The following LAS1L variants were observed in gnomAD, a reference collection of about 807,000 sequenced individuals.
LAS1L encodes ribosomal biogenesis protein LAS1L.
In LAS1L, 5 loss-of-function variants were observed where a neutral mutation model predicts 57.3. The observed-to-expected ratio is 0.09, with a 90% confidence interval of 0.05 to 0.18. LAS1L has a LOEUF of 0.18. Among genes scored for constraint, LAS1L ranks in the 10% least tolerant of loss-of-function variants. LAS1L has a pLI of 1.00. For missense variants in LAS1L, 360 were observed against 568.3 expected (o/e 0.63, Z 3.73); for synonymous variants, 245 against 231.7 (o/e 1.06, Z -0.52).
rs762919680 is a variant in LAS1L at position 65,515,035 on chromosome X, G to C, written c.1928-62C>G. 2.1e-5 allele frequency: 23 copies of C among 1,099,663 alleles called. No homozygotes were observed. The African/African-American group carries it at 3.7e-4, about 18-fold the overall frequency. The allele number at this position is 1,099,663 out of a possible 1,213,427, so 90.6% of individuals were successfully genotyped here. ...GAGCTGGTTCTCCGACTGGTGCACA[G>C]GCCTGCTCACCCTGTCCATCCACCC... On this transcript the variant is annotated intron_variant, in intron 12 of 13. Transcript: ENST00000374811.
In LAS1L at chrX:65,528,462, C is replaced by T. The variant is rs2069286757; in HGVS notation, c.847-93G>A. 1.7e-5 allele frequency: 9 copies of T among 528,343 alleles called. No homozygotes were observed. In the Admixed American group the frequency reaches 2.5e-4, roughly 15 times the overall value. 43.5% of individuals were successfully genotyped at this position (528,343 alleles called of 1,213,427 possible). On this transcript the variant is annotated intron_variant, in intron 6 of 13. Coordinates refer to ENST00000374811, the MANE Select transcript of LAS1L (RefSeq NM_031206.7). Reference sequence around the variant, plus strand: ...TCCCTTCCCATAGGACCTCTCAGCACTGCCCTGCAGGGGACAGGGCAGGGC... The same window carrying T: ...TCCCTTCCCATAGGACCTCTCAGCATTGCCCTGCAGGGGACAGGGCAGGGC...
intron 5 of LAS1L, 21 bp downstream of exon 5, chrX:65,529,573 T>C (rs1453830650): frequency 8.3e-7 from 1 of 1,203,069 alleles, no homozygotes; most frequent in Non-Finnish European, 1.1e-6. Context: ...TGGGCCGCTT[T>C]CTGCCCTCCA....
At position 65,512,814 on chromosome X, in the gene LAS1L, C is replaced by T. The variant is rs1377146467; in HGVS notation, c.2166G>A (p.Gly722=). The T allele has an allele frequency of 2.3e-5, 27 of 1,166,179 alleles. No individual in the cohort carries two copies. In the Middle Eastern group the frequency reaches 9.3e-4, roughly 40 times the overall value. ...SNFEGLLWSQ[G]QLHGLKTGLQ... Reference sequence around the variant, plus strand: ...GGCCAGTTTTGAGCCCATGCAGCTGCCCCTGGCTCCAGAGAAGGCCCTCGA... The same window carrying T: ...GGCCAGTTTTGAGCCCATGCAGCTGTCCCTGGCTCCAGAGAAGGCCCTCGA... Residue 722 remains glycine, a synonymous_variant, in exon 14 of 14, where the codon GGG becomes GGA. Coordinates refer to ENST00000374811, the MANE Select transcript of LAS1L (RefSeq NM_031206.7).
chrX:65,518,653 T>C (rs2068735848), intron 11 of LAS1L, 188 bp from the exon 12 acceptor site: 1 of 485,662 alleles, frequency 2.1e-6, no homozygotes, highest in Non-Finnish European at 2.5e-6. Flanking sequence ...TTCATCTCTG[T>C]GCCTCACTTC....
intron 2 of LAS1L, among the ~76,000 whole-genome samples, chrX:65,533,079 G>T (rs925983927): frequency 1.8e-5 from 2 of 110,950 alleles, no homozygotes; most frequent in Non-Finnish European, 3.8e-5. Context: ...CTTTTTTTCC[G>T]ACGTGTATAC....
chrX:65,513,237 GC>G (rs1326871342), intron 13 of LAS1L, among the ~76,000 whole-genome samples: 2 of 112,435 alleles, frequency 1.8e-5, no homozygotes, highest in Admixed American at 9.4e-5. Flanking sequence ...GAAAGTAGCT[GC>G]CTTAACAGGA....
At position 65,520,887 on chromosome X, in the gene LAS1L, C is replaced by G. The variant is rs947086488; in HGVS notation, c.1449-2422G>C. 40 of 752,039 alleles carry G rather than the reference C, an allele frequency of 5.3e-5. No individual in the cohort carries two copies. The African/African-American group carries it at 9.1e-4, about 17-fold the overall frequency. 62.0% of individuals were successfully genotyped at this position (752,039 alleles called of 1,213,427 possible). A position where few individuals can be genotyped will look rare whatever the true frequency, so the allele number is the denominator to read the frequency against. On this transcript the variant is annotated intron_variant, in intron 11 of 13. Transcript: ENST00000374811. Reference sequence around the variant, plus strand: ...CCATGCTGCTCTTGTCACTCCCTCCCTCCCATTATATACACATGCCATGTT... The same window carrying G: ...CCATGCTGCTCTTGTCACTCCCTCCGTCCCATTATATACACATGCCATGTT...
At chrX:65,516,624 CCCTTTTT>C in intron 12 of LAS1L, among the ~76,000 whole-genome samples, 1 of 95,235 alleles carries the variant, frequency 1.1e-5, no homozygotes, top group Non-Finnish European at 2.0e-5. Context: ...CCCTACTTTT[CCCTTTTT>C]CCTATACACA....
At chrX:65,519,872 G>C (rs189786686) in intron 11 of LAS1L, among the ~76,000 whole-genome samples, 2 of 111,744 alleles carry the variant, frequency 1.8e-5, no homozygotes, top group African/African-American at 3.3e-5. Context: ...GTCTATGGAG[G>C]CAATTTCATA....
intron 4 of LAS1L, 150 bp from the exon 5 acceptor site, chrX:65,530,028 C>T: frequency 2.0e-6 from 1 of 499,433 alleles, no homozygotes; most frequent in East Asian, 3.6e-5. Flanking sequence ...CTCTTTCACT[C>T]TGGGTTATCC....
chrX:65,531,457 G>A lies in LAS1L; in HGVS notation c.433-19C>T, dbSNP rs201212879. On this transcript the variant is annotated intron_variant, in intron 3 of 13. Coordinates refer to ENST00000374811, the MANE Select transcript of LAS1L (RefSeq NM_031206.7). Reference sequence around the variant, plus strand: ...TATTTACCTGATTACAGGGGAGGGTGTGAGTACAGAAATTGGAAAATAATT... The same window carrying A: ...TATTTACCTGATTACAGGGGAGGGTATGAGTACAGAAATTGGAAAATAATT... 182 of 1,120,230 alleles carry A rather than the reference G, an allele frequency of 1.6e-4. No homozygotes were observed. Among genetic ancestry groups the A allele is most frequent in the Non-Finnish European group, 2.2e-4 (180 of 814,241 alleles). 92.3% of individuals were successfully genotyped at this position (1,120,230 alleles called of 1,213,427 possible).
intron 11 of LAS1L, chrX:65,521,119 C>T (rs1308669866): frequency 1.3e-6 from 1 of 752,234 alleles, no homozygotes; most frequent in East Asian, 1.5e-4. Flanking sequence ...ACTTTGTCTA[C>T]AAAGCCACTT....
At position 65,529,193 on chromosome X, in the gene LAS1L, G is replaced by A. The variant is rs1186107193; in HGVS notation, c.846+19C>T. The A allele has an allele frequency of 4.2e-6, 5 of 1,189,642 alleles. No homozygotes were observed. Among genetic ancestry groups the A allele is most frequent in the Non-Finnish European group, 3.4e-6 (3 of 876,842 alleles). ...GCTGGGGCAGATGAGAGCACACCAA[G>A]TCCAGGGCACTTTCTTACCGTAAAC... is the stretch of plus-strand genomic sequence containing the variant. On this transcript the variant is annotated intron_variant, in intron 6 of 13. Coordinates refer to ENST00000374811, the MANE Select transcript of LAS1L (RefSeq NM_031206.7).
chrX:65,519,891 C>G (rs1056106426), intron 11 of LAS1L, among the ~76,000 whole-genome samples: 1 of 111,736 alleles, frequency 8.9e-6, no homozygotes, highest in Non-Finnish European at 1.9e-5. Flanking sequence ...TATTCCAAGA[C>G]GATAGTGGCT....
chrX:65,527,824 C>T (rs1311464311), intron 7 of LAS1L, among the ~76,000 whole-genome samples: 1 of 110,306 alleles, frequency 9.1e-6, no homozygotes, highest in Non-Finnish European at 1.9e-5. Flanking sequence ...CAGAGCAAGA[C>T]ACTTTCTCAA....
At chrX:65,529,084 G>T (rs1602639854) in intron 6 of LAS1L, 128 bp downstream of exon 6, 1 of 579,042 alleles carries the variant, frequency 1.7e-6, no homozygotes, top group South Asian at 2.4e-5. Flanking sequence ...CTCTCTTTCC[G>T]AGAAGTTCCC....
rs181788164 is a variant in LAS1L, at chrX:65,533,813, C to G, written c.237-78G>C. 3.2e-4 allele frequency: 332 copies of G among 1,026,251 alleles called. 2 individuals carry two copies. In the African/African-American group the frequency reaches 5.8e-3, roughly 18 times the overall value. 84.6% of individuals were successfully genotyped at this position (1,026,251 alleles called of 1,213,427 possible). A position where few individuals can be genotyped will look rare whatever the true frequency, so the allele number is the denominator to read the frequency against. ...CTCCACCTCAGAACCTAGGTTGTTG[C>G]AGGCTACACCCATCATATTCTGGTT... On this transcript the variant is annotated intron_variant, in intron 1 of 13. Transcript: ENST00000374811.
At chrX:65,523,966 C>T in intron 10 of LAS1L, 90 bp downstream of exon 10, 2 of 932,092 alleles carry the variant, frequency 2.1e-6, no homozygotes, top group Non-Finnish European at 3.0e-6. Flanking sequence ...AGGTGTTTGC[C>T]TGGTGCTTCT....
At chrX:65,529,283 T>C (rs762778439) in intron 5 of LAS1L, 25 bp from the exon 6 acceptor site, 2 of 1,166,082 alleles carry the variant, frequency 1.7e-6, no homozygotes, top group East Asian at 3.0e-5. Context: ...GGGAGACAGA[T>C]AGGACTGCCA....
Sources: gnomAD v4.1 joint callset for allele counts (sites outside exome capture counted in the v4.1 genomes callset) on GRCh38, gnomAD v4.1.1 for gene constraint, MANE v1.5 for transcripts, NCBI Gene and HGNC (gene_info 2026-07-23, HGNC 2026-07-21) for gene names.